Variants in ARFIP1 observed in about 807,000 individuals in gnomAD.
ARFIP1 encodes ARF interacting protein 1, also known as arfaptin-1.
In ARFIP1, 24 loss-of-function variants were observed where a neutral mutation model predicts 42.5. The observed-to-expected ratio is 0.57, with a 90% CI of 0.41 to 0.80. The LOEUF (loss-of-function observed/expected upper bound fraction) is 0.80. Ranked by LOEUF, ARFIP1 falls within the 30% of genes least tolerant of loss-of-function variation. The probability of loss-of-function intolerance (pLI) is 0.00; values close to 1 mark genes in which losing one functional copy is unlikely to be tolerated. For missense variants in ARFIP1, 354 were observed against 434.0 expected (o/e 0.82, Z 1.64); for synonymous variants, 141 against 153.7 (o/e 0.92, Z 0.61).
rs6834545 is a variant in ARFIP1, at chr4:152,836,763, T to G, written c.93+7037T>G. Among the ~76,000 whole-genome samples, 650 of 152,324 alleles carry G rather than the reference T, an allele frequency of 4.3e-3. 4 individuals carry two copies. The highest frequency in any genetic ancestry group is 0.015 in the African/African-American group (608 of 41,570). On this transcript the variant is annotated intron_variant, in intron 2 of 8. Transcript: ENST00000353617. Reference sequence around the variant, plus strand: ...TCCCCTTCCTCTCAAATTTTAACTTTAGAATAAAAAGTTTTATTTTTTATT... The same window carrying G: ...TCCCCTTCCTCTCAAATTTTAACTTGAGAATAAAAAGTTTTATTTTTTATT...
At chr4:152,796,325 G>A (rs1005092687) in intron 1 of ARFIP1, 1 of 781,586 alleles carries the variant, frequency 1.3e-6, no homozygotes, top group African/African-American at 1.7e-5. Context: ...CAAGCCCATT[G>A]GCCTGATGAA....
At chr4:152,905,119 G>A (rs368753893) in intron 8 of ARFIP1, among the ~76,000 whole-genome samples, 2 of 152,220 alleles carry the variant, frequency 1.3e-5, no homozygotes, top group African/African-American at 4.8e-5. Flanking sequence ...TGGACATTTG[G>A]GTTGTTTCAG....
intron 8 of ARFIP1, among the ~76,000 whole-genome samples, chr4:152,898,964 G>C (rs1281545418): frequency 6.6e-6 from 1 of 152,162 alleles, no homozygotes; most frequent in Non-Finnish European, 1.5e-5. Flanking sequence ...TGGGCCATTG[G>C]TTTGACTAGT....
At chr4:152,863,773 A>G in intron 3 of ARFIP1, 59 bp downstream of exon 3, 3 of 1,072,680 alleles carry the variant, frequency 2.8e-6, no homozygotes, top group Admixed American at 3.9e-5. Context: ...AGTTCACCAA[A>G]TGCTACCTTT....
At chr4:152,817,162 T>C (rs1210866318) in intron 1 of ARFIP1, among the ~76,000 whole-genome samples, 1 of 152,210 alleles carries the variant, frequency 6.6e-6, no homozygotes, top group Admixed American at 6.5e-5. Flanking sequence ...AATAGCGTAA[T>C]TTGAAAAGGT....
intron 2 of ARFIP1, among the ~76,000 whole-genome samples, chr4:152,842,224 A>T (rs375346124): frequency 6.6e-6 from 1 of 152,118 alleles, no homozygotes; most frequent in African/African-American, 2.4e-5. Context: ...AGGAGGGACA[A>T]TGATCCGGAT....
In ARFIP1 at chr4:152,881,035, A is replaced by G. The variant is rs201384562; in HGVS notation, c.484A>G (p.Ile162Val). ...TGTGGACCTTGAACTTGAAGCTCAG[A>G]TTGATATATTAAGGGATAACAAGAA... ...RTVDLELEAQ[I>V]DILRDNKKKY... Residue 162 changes from isoleucine (I) to valine (V), a missense_variant, in exon 6 of 9, where the codon ATT (isoleucine) becomes GTT (valine). Ile to Val is a conservative substitution (Grantham distance 29). Coordinates refer to ENST00000353617, the MANE Select transcript of ARFIP1 (RefSeq NM_001025595.3). 80 of 1,613,808 alleles carry G rather than the reference A, an allele frequency of 5.0e-5. No homozygotes were observed. Among genetic ancestry groups the G allele is most frequent in the African/African-American group, 2.7e-5 (2 of 74,926 alleles).
intron 2 of ARFIP1, among the ~76,000 whole-genome samples, chr4:152,833,242 C>CA (rs141860697): frequency 0.39 from 53,214 of 135,996 alleles, 10,487 homozygotes; most frequent in Admixed American, 0.5. Context: ...AGACATTTTT[C>CA]AAAAAAAAAA....
Position 152,870,785 on chromosome 4 carries a change from T to TCTC in ARFIP1, c.238_240dup (p.Pro80dup), listed in dbSNP as rs1734815532. On this transcript the variant is annotated inframe_insertion, in exon 4 of 9. Coordinates refer to ENST00000353617, the MANE Select transcript of ARFIP1 (RefSeq NM_001025595.3). Reference sequence around the variant, plus strand: ...AGCACCGCCACTGCCATCTGTTATGTCTCCTAGCAGGGTTGCAGCTAGTCG... The same window carrying TCTC: ...AGCACCGCCACTGCCATCTGTTATGTCTCCTCCTAGCAGGGTTGCAGCTAGTCG... 6.2e-7 allele frequency: 1 copy of TCTC among 1,613,998 alleles called. No homozygotes were observed. Among genetic ancestry groups the TCTC allele is most frequent in the South Asian group, 1.1e-5 (1 of 91,078 alleles).
chr4:152,807,794 T>G (rs1423693442), intron 1 of ARFIP1, among the ~76,000 whole-genome samples: 3 of 152,134 alleles, frequency 2.0e-5, no homozygotes, highest in African/African-American at 7.2e-5. Flanking sequence ...TTTCTTTTCT[T>G]GTTTTTGCTT....
At chr4:152,886,431 T>G (rs758025273) in intron 7 of ARFIP1, among the ~76,000 whole-genome samples, 9 of 152,012 alleles carry the variant, frequency 5.9e-5, no homozygotes, top group Non-Finnish European at 1.2e-4. Context: ...CTTCAGATTC[T>G]GACATACCGA....
chr4:152,795,912 T>C (rs1201262709), intron 1 of ARFIP1, among the ~76,000 whole-genome samples: 5 of 148,610 alleles, frequency 3.4e-5, no homozygotes, highest in Non-Finnish European at 5.9e-5. Context: ...CTTTGTTTTG[T>C]TTTTTTCCGC....
At chr4:152,785,905 T>C (rs1476572340) in intron 1 of ARFIP1, among the ~76,000 whole-genome samples, 1 of 152,222 alleles carries the variant, frequency 6.6e-6, no homozygotes, top group East Asian at 1.9e-4. Flanking sequence ...GGCTACTTTA[T>C]TGGACAGTGC....
At chr4:152,828,378 T>C (rs986777056) in intron 1 of ARFIP1, among the ~76,000 whole-genome samples, 1 of 152,240 alleles carries the variant, frequency 6.6e-6, no homozygotes, top group African/African-American at 2.4e-5. Flanking sequence ...CATTTGGTGT[T>C]GTCAGTGTTA....
intron 1 of ARFIP1, among the ~76,000 whole-genome samples, chr4:152,792,417 G>C (rs1468229707): frequency 6.6e-6 from 1 of 152,098 alleles, no homozygotes; most frequent in Non-Finnish European, 1.5e-5. Flanking sequence ...GAAAAATAAT[G>C]TAAATTCATA....
At chr4:152,868,343 A>G (rs1438165389) in intron 3 of ARFIP1, among the ~76,000 whole-genome samples, 4 of 152,140 alleles carry the variant, frequency 2.6e-5, no homozygotes, top group Non-Finnish European at 5.9e-5. Context: ...TGTTGTTGAG[A>G]TGAAATAGAT....
At chr4:152,830,098 C>T (rs1731152859) in intron 2 of ARFIP1, among the ~76,000 whole-genome samples, 1 of 151,978 alleles carries the variant, frequency 6.6e-6, no homozygotes, top group East Asian at 1.9e-4. Flanking sequence ...TCTAAATAGC[C>T]ACTTCTGATT....
chr4:152,881,452 A>G (rs1735840719), intron 6 of ARFIP1, among the ~76,000 whole-genome samples: 1 of 152,094 alleles, frequency 6.6e-6, no homozygotes, highest in South Asian at 2.1e-4. Context: ...TTTACTCCTT[A>G]ATCAATATCA....
chr4:152,784,171 T>TTGATGACTTAGGA (rs1294452574), intron 1 of ARFIP1, among the ~76,000 whole-genome samples: 1 of 152,204 alleles, frequency 6.6e-6, no homozygotes, highest in Non-Finnish European at 1.5e-5. Flanking sequence ...AATATGGAAG[T>TTGATGACTTAGGA]TGATGACTTA....
Sources: gnomAD v4.1 joint callset for allele counts (sites outside exome capture counted in the v4.1 genomes callset) on GRCh38, gnomAD v4.1.1 for gene constraint, MANE v1.5 for transcripts, NCBI Gene and HGNC (gene_info 2026-07-23, HGNC 2026-07-21) for gene names.